The following SLC39A11 variants were observed in gnomAD, a reference collection of about 807,000 sequenced individuals.
The protein encoded by SLC39A11 is solute carrier family 39 member 11, also known as zinc transporter ZIP11.
SLC39A11 carries 33 observed loss-of-function variants against 36.1 expected under a neutral mutation model. That is an observed-to-expected ratio of 0.91 (90% CI 0.69 to 1.22). The LOEUF is 1.22. Ranked by LOEUF, SLC39A11 falls within the 50% of genes most tolerant of loss-of-function variation. SLC39A11 has a pLI of 0.00. For missense variants in SLC39A11, 432 were observed against 430.3 expected, an observed-to-expected ratio of 1.00 and a Z score of -0.03; for synonymous variants, 166 against 170.3, an observed-to-expected ratio of 0.97 and a Z score of 0.20.
intron 6 of SLC39A11, among the ~76,000 whole-genome samples, chr17:72,754,051 T>TAC (rs58802713): frequency 0.063 from 6,786 of 107,854 alleles, 210 homozygotes; most frequent in East Asian, 0.15. Context: ...TATATACACA[T>TAC]ACACACACAC....
chr17:72,768,727 C>T (rs2075833070), intron 6 of SLC39A11, among the ~76,000 whole-genome samples: 2 of 151,988 alleles, frequency 1.3e-5, no homozygotes, highest in Non-Finnish European at 2.9e-5. Context: ...AGCAAGGTTA[C>T]TTCTTGGTTT....
intron 5 of SLC39A11, among the ~76,000 whole-genome samples, chr17:72,900,109 A>AAAAG (rs1211478627): frequency 4.8e-5 from 5 of 104,972 alleles, no homozygotes; most frequent in Non-Finnish European, 3.7e-5. Context: ...GAAAGAAAGA[A>AAAAG]AAAGAAAGAA....
intron 6 of SLC39A11, among the ~76,000 whole-genome samples, chr17:72,817,435 CAGG>C (rs1568138891): frequency 6.6e-6 from 1 of 151,866 alleles, no homozygotes; most frequent in African/African-American, 2.4e-5. Flanking sequence ...AACTTGCTCC[CAGG>C]AGAATGGCAC....
chr17:72,813,631 G>A (rs760321869), intron 6 of SLC39A11, among the ~76,000 whole-genome samples: 12 of 152,140 alleles, frequency 7.9e-5, no homozygotes, highest in Non-Finnish European at 1.5e-4. Context: ...AGTGTTCTCC[G>A]GAGAGAAAAG....
chr17:72,843,159 A>G (rs530712627), intron 6 of SLC39A11, among the ~76,000 whole-genome samples: 1 of 152,120 alleles, frequency 6.6e-6, no homozygotes, highest in South Asian at 2.1e-4. Context: ...CATGTTGGCC[A>G]GGATGGTTTC....
In SLC39A11 at chr17:73,052,826, G is replaced by A. The variant is rs370136575; in HGVS notation, c.148-21112C>T. On this transcript the variant is annotated intron_variant, in intron 3 of 9. Transcript: ENST00000255559. ...AGCAATTCTCCTGCCTCTGCCTCCC[G>A]AGTAGCTGGAATTACAGGAGCGTGC... Among the ~76,000 whole-genome samples the A allele has an allele frequency of 1.8e-4, 28 of 152,086 alleles. No homozygotes were observed. The South Asian group carries it at 2.9e-3, about 16-fold the overall frequency.
intron 6 of SLC39A11, among the ~76,000 whole-genome samples, chr17:72,790,156 G>A (rs2145050895): frequency 6.6e-6 from 1 of 152,288 alleles, no homozygotes; most frequent in East Asian, 1.9e-4. Context: ...TCTTTCGAAA[G>A]ACTAGCATAG....
At chr17:72,723,744 TG>T (rs1367807452) in intron 7 of SLC39A11, among the ~76,000 whole-genome samples, 4 of 152,188 alleles carry the variant, frequency 2.6e-5, no homozygotes, top group Admixed American at 2.6e-4. Flanking sequence ...TGGAACCTTG[TG>T]GGCAATCTCA....
intron 6 of SLC39A11, among the ~76,000 whole-genome samples, chr17:72,748,045 GGTGCA>G (rs1241172983): frequency 6.6e-6 from 1 of 152,194 alleles, no homozygotes; most frequent in Non-Finnish European, 1.5e-5. Flanking sequence ...AATAAGGCCA[GGTGCA>G]GTGGCTCACG....
chr17:72,776,233 T>C (rs953996563), intron 6 of SLC39A11, among the ~76,000 whole-genome samples: 4 of 152,222 alleles, frequency 2.6e-5, no homozygotes, highest in Non-Finnish European at 5.9e-5. Flanking sequence ...CCTCCATTCT[T>C]TCCCCATCCC....
At chr17:72,959,565 G>C (rs1028757399) in intron 4 of SLC39A11, among the ~76,000 whole-genome samples, 34 of 151,588 alleles carry the variant, frequency 2.2e-4, no homozygotes, top group African/African-American at 7.5e-4. Context: ...TGGGAACTTG[G>C]GGGGAAGGGT....
chr17:72,979,991 C>T (rs2088179939), intron 4 of SLC39A11, among the ~76,000 whole-genome samples: 1 of 152,138 alleles, frequency 6.6e-6, no homozygotes, highest in East Asian at 1.9e-4. Flanking sequence ...CTGATTCCTA[C>T]ACCAGCTCTC....
chr17:73,041,820 C>T (rs983217449), intron 3 of SLC39A11, among the ~76,000 whole-genome samples: 3 of 152,218 alleles, frequency 2.0e-5, no homozygotes, highest in Non-Finnish European at 4.4e-5. Flanking sequence ...TTAAAATCAC[C>T]AGATATTTAC....
intron 6 of SLC39A11, among the ~76,000 whole-genome samples, chr17:72,739,471 A>G (rs545717493): frequency 6.6e-6 from 1 of 152,330 alleles, no homozygotes; most frequent in East Asian, 1.9e-4. Context: ...TTCCAGTTAT[A>G]AGAATTTTTA....
chr17:72,979,602 G>A (rs1430322301), intron 4 of SLC39A11, among the ~76,000 whole-genome samples: 2 of 152,102 alleles, frequency 1.3e-5, no homozygotes, highest in African/African-American at 2.4e-5. Flanking sequence ...GAAAATTTGG[G>A]TCCTGATGTG....
At chr17:72,867,777 C>A (rs2080383141) in intron 5 of SLC39A11, among the ~76,000 whole-genome samples, 1 of 151,990 alleles carries the variant, frequency 6.6e-6, no homozygotes. Flanking sequence ...CACACACACA[C>A]ACACACACAC....
At chr17:72,974,956 C>T (rs1224388674) in intron 4 of SLC39A11, among the ~76,000 whole-genome samples, 4 of 152,204 alleles carry the variant, frequency 2.6e-5, no homozygotes, top group Admixed American at 6.5e-5. Flanking sequence ...TTTGTAGCCT[C>T]GGAGCAATAG....
At chr17:72,993,047 A>G (rs1467648435) in intron 4 of SLC39A11, 1 of 152,122 alleles carries the variant, frequency 6.6e-6, no homozygotes, top group Non-Finnish European at 1.5e-5. Flanking sequence ...ACAGCACAGG[A>G]AACACCCGCC....
chr17:72,646,712 T>A lies in SLC39A11; in HGVS notation c.*872A>T, dbSNP rs976162215. ...TCTTTGAGTAATTGAAGAGTTTGAG[T>A]TCTAGCAGTTTGCTGGTGTCTCCAA... is the stretch of plus-strand genomic sequence containing the variant. On this transcript the variant is annotated 3_prime_UTR_variant, in exon 10 of 10. Coordinates refer to ENST00000255559, the MANE Select transcript of SLC39A11 (RefSeq NM_139177.4). 5 of 152,560 alleles carry A rather than the reference T, an allele frequency of 3.3e-5. No homozygotes were observed. The highest frequency in any genetic ancestry group is 1.2e-4 in the African/African-American group (5 of 41,420). The allele number at this position is 152,560 out of a possible 1,614,324, so 9.5% of individuals were successfully genotyped here.
Sources: gnomAD v4.1 joint callset for allele counts (sites outside exome capture counted in the v4.1 genomes callset) on GRCh38, gnomAD v4.1.1 for gene constraint, MANE v1.5 for transcripts, NCBI Gene and HGNC (gene_info 2026-07-23, HGNC 2026-07-21) for gene names.